Variants in ORC4 observed in about 807,000 individuals in gnomAD.
The protein encoded by ORC4 is origin recognition complex, subunit 4 homolog.
A neutral mutation model predicts 63.9 loss-of-function variants in ORC4; 55 were observed. The ratio of observed to expected loss-of-function variants is 0.86; its 90% CI spans 0.69 to 1.08. The LOEUF (loss-of-function observed/expected upper bound fraction) is 1.08. Among genes scored for constraint, ORC4 ranks in the 50% least tolerant of loss-of-function variants. The probability of loss-of-function intolerance (pLI) is 0.00; values close to 1 mark genes in which losing one functional copy is unlikely to be tolerated. For synonymous variants in ORC4, 150 were observed against 168.5 expected (o/e 0.89, Z 0.85); for missense variants, 511 against 504.4 (o/e 1.01, Z -0.13).
chr2:147,968,832 C>T (rs148770123), intron 4 of ORC4, among the ~76,000 whole-genome samples: 2 of 151,816 alleles, frequency 1.3e-5, no homozygotes, highest in African/African-American at 4.8e-5. Flanking sequence ...ATCTGCAGCC[C>T]GTATTTATTG....
intron 1 of ORC4, among the ~76,000 whole-genome samples, chr2:148,017,880 C>T (rs796569824): frequency 3.3e-5 from 5 of 152,270 alleles, no homozygotes; most frequent in East Asian, 1.9e-4. Context: ...AAAAGCCACA[C>T]GCAGCTAGTA....
At chr2:147,970,913 C>T (rs1690173873) in intron 4 of ORC4, among the ~76,000 whole-genome samples, 1 of 151,922 alleles carries the variant, frequency 6.6e-6, no homozygotes, top group East Asian at 1.9e-4. Flanking sequence ...GGCAGGATTG[C>T]TTGAGCTCAG....
At chr2:148,020,193 T>C (rs543675136) in intron 1 of ORC4, among the ~76,000 whole-genome samples, 13 of 152,188 alleles carry the variant, frequency 8.5e-5, no homozygotes, top group Non-Finnish European at 1.5e-4. Context: ...AGGTAAGGCA[T>C]GAAGGGCGCA....
chr2:147,987,383 TATATATATA>T (rs1691278287), intron 1 of ORC4, among the ~76,000 whole-genome samples: 1 of 68,588 alleles, frequency 1.5e-5, no homozygotes. Context: ...TGTGTGTGTG[TATATATATA>T]CACACACACA....
intron 1 of ORC4, among the ~76,000 whole-genome samples, chr2:147,976,921 G>C (rs1473075945): frequency 6.6e-6 from 1 of 151,802 alleles, no homozygotes; most frequent in African/African-American, 2.4e-5. Flanking sequence ...TTCTCCTCAA[G>C]TGTACCATAC....
intron 10 of ORC4, among the ~76,000 whole-genome samples, chr2:147,940,551 G>A (rs1293433802): frequency 6.6e-6 from 1 of 151,988 alleles, no homozygotes; most frequent in African/African-American, 2.4e-5. Context: ...CAATCAACGA[G>A]TGGATAAAGA....
intron 1 of ORC4, among the ~76,000 whole-genome samples, chr2:147,994,100 A>G (rs533546690): frequency 6.6e-6 from 1 of 152,228 alleles, no homozygotes; most frequent in Non-Finnish European, 1.5e-5. Flanking sequence ...ATAATACCAT[A>G]TACATTAGCA....
At chr2:147,964,401 G>A (rs1048908094) in intron 4 of ORC4, among the ~76,000 whole-genome samples, 4 of 151,568 alleles carry the variant, frequency 2.6e-5, no homozygotes, top group Admixed American at 6.6e-5. Context: ...AACACAGGCA[G>A]ACAAGAAAAA....
chr2:147,984,898 A>G (rs2105378784), intron 1 of ORC4, among the ~76,000 whole-genome samples: 1 of 152,334 alleles, frequency 6.6e-6, no homozygotes, highest in African/African-American at 2.4e-5. Flanking sequence ...TCAAGACTCA[A>G]TCACATGTAT....
At chr2:147,970,337 T>C (rs906506008) in intron 4 of ORC4, among the ~76,000 whole-genome samples, 1 of 152,090 alleles carries the variant, frequency 6.6e-6, no homozygotes, top group Non-Finnish European at 1.5e-5. Flanking sequence ...ATGTACAAAG[T>C]GATTCTAAAG....
chr2:147,955,129 A>C (rs1345850171), intron 7 of ORC4, among the ~76,000 whole-genome samples: 1 of 151,994 alleles, frequency 6.6e-6, no homozygotes, highest in African/African-American at 2.4e-5. Flanking sequence ...TACTGATATA[A>C]AGATCAGTAT....
chr2:147,951,802 T>C (rs1404921780), intron 8 of ORC4, among the ~76,000 whole-genome samples: 1 of 152,208 alleles, frequency 6.6e-6, no homozygotes, highest in Admixed American at 6.5e-5. Flanking sequence ...AGGCCTGTAC[T>C]GCTGTCCAAA....
intron 7 of ORC4, among the ~76,000 whole-genome samples, chr2:147,952,878 T>C (rs1689040048): frequency 6.7e-6 from 1 of 150,178 alleles, no homozygotes; most frequent in African/African-American, 2.5e-5. Context: ...AATACAAAAT[T>C]AGTCAGGTGT....
At chr2:147,956,666 A>G (rs779422114) in intron 6 of ORC4, among the ~76,000 whole-genome samples, 2 of 152,102 alleles carry the variant, frequency 1.3e-5, no homozygotes, top group Non-Finnish European at 2.9e-5. Context: ...TCAAGAGTAC[A>G]TTGAAGAATT....
At position 147,938,189 on chromosome 2, in the gene ORC4, T is replaced by C. The variant is rs1469668833; in HGVS notation, c.1079A>G (p.Lys360Arg). 3 of 1,612,760 alleles carry C rather than the reference T, an allele frequency of 1.9e-6. No homozygotes were observed. The highest frequency in any genetic ancestry group is 2.5e-6 in the Non-Finnish European group (3 of 1,179,172). Residue 360 changes from lysine to arginine, a missense_variant, in exon 13 of 14, where the codon AAA becomes AGA. By Grantham distance (26) the Lys-to-Arg change is conservative. Coordinates refer to ENST00000392857, the MANE Select transcript of ORC4 (RefSeq NM_181741.4). ...YNEFQKFVQR[K>R]AHSVYNFEKP... ...TTCAAAATTATAAACGGAATGTGCT[T>C]TCCTTTGAACAAACTTCTGAAACTC...
intron 1 of ORC4, among the ~76,000 whole-genome samples, chr2:148,019,778 C>A (rs551511360): frequency 3.3e-5 from 5 of 152,252 alleles, no homozygotes; most frequent in African/African-American, 9.6e-5. Context: ...AAAGAACCAG[C>A]ACTGTTTCAC....
At chr2:147,998,244 GAA>G (rs34876081) in intron 1 of ORC4, among the ~76,000 whole-genome samples, 1 of 151,938 alleles carries the variant, frequency 6.6e-6, no homozygotes, top group Admixed American at 6.5e-5. Flanking sequence ...CTTAATTCTT[GAA>G]AAAGTCTGAC....
chr2:147,955,128 A>G (rs1049794377), intron 7 of ORC4, among the ~76,000 whole-genome samples: 1 of 152,004 alleles, frequency 6.6e-6, no homozygotes, highest in Non-Finnish European at 1.5e-5. Flanking sequence ...ATACTGATAT[A>G]AAGATCAGTA....
intron 7 of ORC4, among the ~76,000 whole-genome samples, 189 bp from the exon 8 acceptor site, chr2:147,952,713 C>T (rs1689028526): frequency 6.6e-6 from 1 of 152,152 alleles, no homozygotes; most frequent in Admixed American, 6.6e-5. Context: ...AGGACAAACA[C>T]AGCCCCGACT....
Sources: allele counts gnomAD v4.1 joint callset (sites outside exome capture counted in the v4.1 genomes callset), GRCh38; gene constraint gnomAD v4.1.1; transcripts MANE v1.5; gene names NCBI Gene and HGNC (gene_info 2026-07-23, HGNC 2026-07-21).